The following CFAP206 variants were observed in gnomAD, a reference collection of about 807,000 sequenced individuals.
CFAP206 encodes the protein cilia and flagella associated protein 206, also known as cilia- and flagella-associated protein 206.
CFAP206 carries 53 observed loss-of-function variants against 65.4 expected under a neutral mutation model. The observed-to-expected ratio is 0.81, with a 90% confidence interval of 0.65 to 1.02. CFAP206 has a LOEUF of 1.02. Ranked by LOEUF, CFAP206 falls within the 50% of genes least tolerant of loss-of-function variation. CFAP206 has a pLI of 0.00. For missense variants in CFAP206, 663 were observed against 753.2 expected (o/e 0.88, Z 1.40); for synonymous variants, 250 against 254.4 (o/e 0.98, Z 0.17).
At chr6:87,448,115 C>T (rs987056634) in intron 11 of CFAP206, among the ~76,000 whole-genome samples, 1 of 152,056 alleles carries the variant, frequency 6.6e-6, no homozygotes, top group Non-Finnish European at 1.5e-5. Context: ...AGTCCACCAA[C>T]CCCTGACAGG....
intron 7 of CFAP206, among the ~76,000 whole-genome samples, chr6:87,420,441 A>G (rs1469911549): frequency 6.6e-6 from 1 of 152,244 alleles, no homozygotes; most frequent in African/African-American, 2.4e-5. Flanking sequence ...TGGAGAGGAC[A>G]GTGAGTAAAA....
chr6:87,415,538 A>G (rs1251550056), intron 4 of CFAP206, 148 bp from the exon 5 acceptor site: 8 of 766,202 alleles, frequency 1.0e-5, no homozygotes, highest in Non-Finnish European at 1.8e-5. Flanking sequence ...CATGCTGGCC[A>G]CTGTTTTTTA....
chr6:87,410,072 A>G lies in CFAP206; in HGVS notation c.108+125A>G, dbSNP rs539241439. 6.1e-6 allele frequency: 4 copies of G among 659,312 alleles called. No homozygotes were observed. The South Asian group carries it at 8.0e-5, about 13-fold the overall frequency. The allele number at this position is 659,312 out of a possible 1,614,324, so 40.8% of individuals were successfully genotyped here. A position where few individuals can be genotyped will look rare whatever the true frequency, so the allele number is the denominator to read the frequency against. On this transcript the variant is annotated intron_variant, in intron 2 of 12. Transcript: ENST00000369562. ...TTTTCAGTTGAAGCATAACGAGATA[A>G]TTGGACAAATTTGTGAAAACATTTT... is the stretch of plus-strand genomic sequence containing the variant.
chr6:87,415,863 G>A lies in CFAP206; in HGVS notation c.461G>A (p.Arg154Lys), dbSNP rs13219364. Residue 154 changes from arginine (R) to lysine (K), a missense_variant, in exon 5 of 13, where the codon AGA becomes AAA. Coordinates refer to ENST00000369562, the MANE Select transcript of CFAP206 (RefSeq NM_001031743.3). ...TCCCCTACAGACATCAAGACTGTCAGAGAGGTAACAGGTAAAAAGTATAAC... is the reference window on the plus strand; with the variant it reads ...TCCCCTACAGACATCAAGACTGTCAAAGAGGTAACAGGTAAAAAGTATAAC... ...LGSPTDIKTV[R>K]EVTAALQSVF... The A allele has an allele frequency of 0.028, 43,982 of 1,562,650 alleles. 704 individuals are homozygous for A. Among genetic ancestry groups the A allele is most frequent in the Middle Eastern group, 0.041 (238 of 5,840 alleles).
At chr6:87,432,295 T>C (rs1416591186) in intron 10 of CFAP206, among the ~76,000 whole-genome samples, 1 of 152,186 alleles carries the variant, frequency 6.6e-6, no homozygotes, top group Admixed American at 6.5e-5. Context: ...TTTTTGATAA[T>C]GGGAATAACA....
intron 3 of CFAP206, among the ~76,000 whole-genome samples, chr6:87,412,518 A>G (rs1298022524): frequency 6.6e-6 from 1 of 152,182 alleles, no homozygotes; most frequent in Non-Finnish European, 1.5e-5. Context: ...GGCAAGGCAG[A>G]GAAGGGGAAT....
rs148871760 is a variant in CFAP206, at chr6:87,410,389, T to C, written c.109-196T>C. On this transcript the variant is annotated intron_variant, in intron 2 of 12. Coordinates refer to ENST00000369562, the MANE Select transcript of CFAP206 (RefSeq NM_001031743.3). Reference sequence around the variant, plus strand: ...TCTAGCACCATATTCAAGTTTGATGTTTGTTGCTTCCTTTTTTCAACCTCT... The same window carrying C: ...TCTAGCACCATATTCAAGTTTGATGCTTGTTGCTTCCTTTTTTCAACCTCT... Among the ~76,000 whole-genome samples, 557 of 152,336 alleles carry C rather than the reference T, an allele frequency of 3.7e-3. 3 individuals carry two copies. Among genetic ancestry groups the C allele is most frequent in the Non-Finnish European group, 4.0e-3 (271 of 68,038 alleles).
intron 9 of CFAP206, 72 bp from the exon 10 acceptor site, chr6:87,430,961 C>G: frequency 1.4e-6 from 2 of 1,391,152 alleles, no homozygotes; most frequent in Non-Finnish European, 2.0e-6. Flanking sequence ...TTAGAATGAG[C>G]TACTGCTGAT....
intron 1 of CFAP206, among the ~76,000 whole-genome samples, chr6:87,409,227 CTT>C (rs71785518): frequency 7.0e-6 from 1 of 142,886 alleles, no homozygotes. Flanking sequence ...ACTGCTTAGC[CTT>C]TTTTTTTTTT....
In CFAP206 at chr6:87,415,778, G is replaced by T. The variant is rs1767818665; in HGVS notation, c.376G>T (p.Glu126Ter). 1.2e-6 allele frequency: 2 copies of T among 1,613,686 alleles called. No individual in the cohort carries two copies. Among genetic ancestry groups the T allele is most frequent in the Non-Finnish European group, 1.7e-6 (2 of 1,179,782 alleles). Residue 126 changes from glutamate to a stop codon, truncating the protein, a stop_gained, in exon 5 of 13, where the codon GAA becomes TAA. Transcript: ENST00000369562. LOFTEE classifies it high-confidence loss of function. ...ITDNRACAKE[E>*]LESLYRKIIS... is the part of the protein sequence containing the mutation. ...AGATAACAGAGCATGTGCTAAAGAA[G>T]AATTGGAAAGCCTCTACCGGAAGAT...
In CFAP206 at chr6:87,418,133, A is replaced by C; in HGVS notation, c.632-75A>C. On this transcript the variant is annotated intron_variant, in intron 6 of 12. Coordinates refer to ENST00000369562, the MANE Select transcript of CFAP206 (RefSeq NM_001031743.3). ...ACCCTAACTTAATGTTTAAAATGTA[A>C]CTACTTTCTAGGCTTCTTCTCCTTA... 3 of 1,312,276 alleles carry C rather than the reference A, an allele frequency of 2.3e-6. No homozygotes were observed. In the Admixed American group the frequency reaches 5.8e-5, roughly 25 times the overall value. The allele number at this position is 1,312,276 out of a possible 1,614,324, so 81.3% of individuals were successfully genotyped here.
At chr6:87,440,852 A>G (rs1367076342) in intron 11 of CFAP206, among the ~76,000 whole-genome samples, 1 of 152,148 alleles carries the variant, frequency 6.6e-6, no homozygotes, top group Non-Finnish European at 1.5e-5. Flanking sequence ...TGCGTAAACC[A>G]AGCTGAATTG....
Position 87,416,730 on chromosome 6 carries a change from G to A in CFAP206, c.534G>A (p.Lys178=), listed in dbSNP as rs762735807. The change falls in exon 6 of 13, where the codon AAG becomes AAA. Residue 178 remains lysine (K), a synonymous_variant. Coordinates refer to ENST00000369562, the MANE Select transcript of CFAP206 (RefSeq NM_001031743.3). ...ELGTFLTLSK[K]DKERQLKELT... The stretch of plus-strand genomic sequence containing the variant: ...GGACATTTCTAACTCTTTCTAAGAA[G>A]GACAAAGAACGCCAGCTGAAAGAAC... 3 of 1,613,294 alleles carry A rather than the reference G, an allele frequency of 1.9e-6. No individual in the cohort carries two copies. The highest frequency in any genetic ancestry group is 2.5e-6 in the Non-Finnish European group (3 of 1,179,724).
chr6:87,448,103 C>G (rs950643893), intron 11 of CFAP206, among the ~76,000 whole-genome samples: 2 of 152,136 alleles, frequency 1.3e-5, no homozygotes, highest in Non-Finnish European at 2.9e-5. Flanking sequence ...TATCCCTCCC[C>G]TAGTCCACCA....
In CFAP206 at chr6:87,413,870, G is replaced by A; in HGVS notation, c.253G>A (p.Val85Ile). Residue 85 changes from valine to isoleucine, a missense_variant, in exon 4 of 13, where the codon GTC (valine) becomes ATC (isoleucine). Physicochemically the swap from Val to Ile is conservative, Grantham distance 29 (BLOSUM62 3). Transcript: ENST00000369562. ...ATCCCTGGACACTATTAAGATGCAAGTCTACTTCGATATGAATTATACGAA... is the reference window on the plus strand; with the variant it reads ...ATCCCTGGACACTATTAAGATGCAAATCTACTTCGATATGAATTATACGAA... ...NPSLDTIKMQVYFDMNYTNRV... is the reference protein window; with the variant it reads ...NPSLDTIKMQIYFDMNYTNRV... 1.9e-6 allele frequency: 3 copies of A among 1,551,946 alleles called. No homozygotes were observed. Among genetic ancestry groups the A allele is most frequent in the Non-Finnish European group, 2.6e-6 (3 of 1,157,954 alleles).
At chr6:87,421,121 A>G (rs995547626) in intron 7 of CFAP206, among the ~76,000 whole-genome samples, 1 of 152,232 alleles carries the variant, frequency 6.6e-6, no homozygotes, top group Non-Finnish European at 1.5e-5. Flanking sequence ...AACTAATTAA[A>G]AATTTTAAAG....
At chr6:87,459,384 A>T (rs1028771608) in intron 11 of CFAP206, among the ~76,000 whole-genome samples, 4 of 152,272 alleles carry the variant, frequency 2.6e-5, no homozygotes, top group Non-Finnish European at 5.9e-5. Flanking sequence ...TGTGAGTTAT[A>T]TACTGGTTTT....
At chr6:87,417,570 A>G (rs1425760693) in intron 6 of CFAP206, among the ~76,000 whole-genome samples, 9 of 125,422 alleles carry the variant, frequency 7.2e-5, no homozygotes, top group African/African-American at 2.8e-4. Flanking sequence ...TTTTTTTTTT[A>G]ATAACTAGAA....
chr6:87,415,978 T>C (rs1767823916), intron 5 of CFAP206, 104 bp downstream of exon 5: 1 of 898,788 alleles, frequency 1.1e-6, no homozygotes, highest in South Asian at 3.5e-5. Context: ...GTTCCCTTTT[T>C]ATCTGAAAAA....
Sources: allele counts gnomAD v4.1 joint callset (sites outside exome capture counted in the v4.1 genomes callset), GRCh38; gene constraint gnomAD v4.1.1; transcripts MANE v1.5; gene names NCBI Gene and HGNC (gene_info 2026-07-23, HGNC 2026-07-21).